The following CACNA2D3 variants were observed in gnomAD, a reference collection of about 807,000 sequenced individuals.
The protein encoded by CACNA2D3 is calcium voltage-gated channel auxiliary subunit alpha2delta 3.
CACNA2D3 carries 60 observed loss-of-function variants against 160.6 expected under a neutral mutation model. That is an observed-to-expected ratio of 0.37 (90% CI 0.30 to 0.46). The LOEUF (loss-of-function observed/expected upper bound fraction) is 0.46, where lower values mean the gene tolerates loss of function less well. Among genes scored for constraint, CACNA2D3 ranks in the 20% least tolerant of loss-of-function variants. CACNA2D3 has a pLI of 1.00. For missense variants in CACNA2D3, 1,205 were observed against 1,365.0 expected, an observed-to-expected ratio of 0.88 and a Z score of 1.85; for synonymous variants, 558 against 492.9, an observed-to-expected ratio of 1.13 and a Z score of -1.75.
intron 35 of CACNA2D3, among the ~76,000 whole-genome samples, chr3:55,030,367 G>A (rs184462341): frequency 6.6e-6 from 1 of 152,268 alleles, no homozygotes; most frequent in African/African-American, 2.4e-5. Context: ...ATAATGTTGA[G>A]GCTGTGCTAA....
At chr3:54,222,187 C>A (rs1701586174) in intron 2 of CACNA2D3, among the ~76,000 whole-genome samples, 1 of 152,152 alleles carries the variant, frequency 6.6e-6, no homozygotes, top group Non-Finnish European at 1.5e-5. Context: ...CGGAGGCTGA[C>A]AAGTTTCAAG....
intron 29 of CACNA2D3, among the ~76,000 whole-genome samples, chr3:54,976,145 C>CA (rs1191942070): frequency 6.6e-6 from 1 of 151,712 alleles, no homozygotes; most frequent in East Asian, 1.9e-4. Flanking sequence ...CATGAGCAGG[C>CA]AAAATCCCTA....
chr3:54,584,230 C>A (rs1702724082), intron 9 of CACNA2D3, among the ~76,000 whole-genome samples: 3 of 152,070 alleles, frequency 2.0e-5, no homozygotes. Context: ...TCAACAGAAG[C>A]CAGTATTTAC....
At chr3:55,057,656 A>T (rs1325575045) in intron 35 of CACNA2D3, among the ~76,000 whole-genome samples, 1 of 152,214 alleles carries the variant, frequency 6.6e-6, no homozygotes, top group East Asian at 1.9e-4. Flanking sequence ...AACACTTCTC[A>T]TGGTGATTTG....
At chr3:54,896,067 G>C (rs1700181124) in intron 25 of CACNA2D3, among the ~76,000 whole-genome samples, 1 of 152,188 alleles carries the variant, frequency 6.6e-6, no homozygotes, top group Non-Finnish European at 1.5e-5. Context: ...TGGGGTAGAT[G>C]GTAGATGAGG....
intron 26 of CACNA2D3, among the ~76,000 whole-genome samples, chr3:54,899,409 T>C (rs1488335010): frequency 6.6e-6 from 1 of 152,176 alleles, no homozygotes; most frequent in Non-Finnish European, 1.5e-5. Context: ...CTCATACAGC[T>C]CTTCATGGTT....
At chr3:54,174,674 G>C (rs578096053) in intron 2 of CACNA2D3, among the ~76,000 whole-genome samples, 2 of 152,146 alleles carry the variant, frequency 1.3e-5, no homozygotes, top group African/African-American at 4.8e-5. Flanking sequence ...ACAGGCGCCC[G>C]CCACCACGCC....
chr3:54,678,749 A>AAAAAAAAAAAAT (rs1700289334), intron 11 of CACNA2D3, among the ~76,000 whole-genome samples: 4 of 143,614 alleles, frequency 2.8e-5, no homozygotes, highest in Non-Finnish European at 6.1e-5. Flanking sequence ...AAAAAAAAAA[A>AAAAAAAAAAAAT]GTTGATGATC....
intron 13 of CACNA2D3, among the ~76,000 whole-genome samples, chr3:54,815,370 T>G (rs1479155286): frequency 6.6e-6 from 1 of 152,216 alleles, no homozygotes; most frequent in South Asian, 2.1e-4. Flanking sequence ...TTTGTTCGGT[T>G]CTACTCTTTG....
chr3:54,594,220 G>A (rs183311359), intron 9 of CACNA2D3, among the ~76,000 whole-genome samples: 2 of 152,136 alleles, frequency 1.3e-5, no homozygotes, highest in African/African-American at 4.8e-5. Context: ...TCTAGGCTTC[G>A]TGGGCCATAC....
rs531165192 is a variant in CACNA2D3 at position 54,812,823 on chromosome 3, C to T, written c.1381-4030C>T. On this transcript the variant is annotated intron_variant, in intron 13 of 37. Coordinates refer to ENST00000474759, the MANE Select transcript of CACNA2D3 (RefSeq NM_018398.3). ...GGGGTGACCTTGGTGAGATACTTAACCATTCTAAATATTGTCTGTTTCCTC... is the reference window on the plus strand; with the variant it reads ...GGGGTGACCTTGGTGAGATACTTAATCATTCTAAATATTGTCTGTTTCCTC... 2.6e-5 allele frequency among the ~76,000 whole-genome samples: 4 copies of T among 152,288 alleles called. No homozygotes were observed. In the East Asian group the frequency reaches 7.7e-4, roughly 29 times the overall value.
chr3:54,460,616 C>T (rs1316198850), intron 4 of CACNA2D3, among the ~76,000 whole-genome samples: 1 of 152,120 alleles, frequency 6.6e-6, no homozygotes, highest in Non-Finnish European at 1.5e-5. Flanking sequence ...GATTTTTGTA[C>T]ATTGATTTTG....
At chr3:54,216,772 C>T (rs1342223747) in intron 2 of CACNA2D3, among the ~76,000 whole-genome samples, 1 of 152,176 alleles carries the variant, frequency 6.6e-6, no homozygotes, top group African/African-American at 2.4e-5. Flanking sequence ...CGGGACTCCT[C>T]AGCCAGAACT....
intron 4 of CACNA2D3, among the ~76,000 whole-genome samples, chr3:54,403,356 A>AACACACACACAC (rs55779518): frequency 9.4e-5 from 13 of 137,700 alleles, no homozygotes; most frequent in South Asian, 2.5e-4. Flanking sequence ...CCCTATCTCA[A>AACACACACACAC]ACACACACAC....
At chr3:54,771,909 C>G (rs1702329359) in intron 13 of CACNA2D3, among the ~76,000 whole-genome samples, 1 of 151,874 alleles carries the variant, frequency 6.6e-6, no homozygotes, top group African/African-American at 2.4e-5. Flanking sequence ...AAAGATAATG[C>G]CAGAAGGAAA....
At chr3:54,782,766 T>G (rs1702559668) in intron 13 of CACNA2D3, among the ~76,000 whole-genome samples, 2 of 152,134 alleles carry the variant, frequency 1.3e-5, no homozygotes, top group African/African-American at 4.8e-5. Context: ...ACTACATCAT[T>G]TAGAAACGAC....
intron 4 of CACNA2D3, among the ~76,000 whole-genome samples, chr3:54,406,662 C>T (rs1234061189): frequency 2.0e-5 from 3 of 151,150 alleles, no homozygotes; most frequent in Admixed American, 1.3e-4. Flanking sequence ...ACCAGGTTCA[C>T]GGTGGGAGAG....
intron 4 of CACNA2D3, among the ~76,000 whole-genome samples, chr3:54,444,896 A>G (rs376417844): frequency 6.6e-6 from 1 of 152,254 alleles, no homozygotes; most frequent in African/African-American, 2.4e-5. Context: ...TTTCTTGGAG[A>G]AGACTCTGCC....
intron 2 of CACNA2D3, among the ~76,000 whole-genome samples, chr3:54,205,734 C>T (rs1701264812): frequency 6.6e-6 from 1 of 152,084 alleles, no homozygotes; most frequent in Non-Finnish European, 1.5e-5. Flanking sequence ...CCCTCTGGGG[C>T]TGGAATGGGG....
Sources: gnomAD v4.1 joint callset for allele counts (sites outside exome capture counted in the v4.1 genomes callset) on GRCh38, gnomAD v4.1.1 for gene constraint, MANE v1.5 for transcripts, NCBI Gene and HGNC (gene_info 2026-07-23, HGNC 2026-07-21) for gene names.